The following CRPPA variants were observed in gnomAD, a reference collection of about 807,000 sequenced individuals.
CRPPA encodes D-ribitol-5-phosphate cytidylyltransferase.
Under a neutral mutation model 52.0 loss-of-function variants are expected in CRPPA, and 43 were observed. That is an observed-to-expected ratio of 0.83 (90% confidence interval 0.65 to 1.07). The LOEUF is 1.07. CRPPA is among the 50% of genes least tolerant of loss of function. The pLI is 0.00. For missense variants in CRPPA, 629 were observed against 551.7 expected (o/e 1.14, Z -1.40); for synonymous variants, 250 against 203.5 (o/e 1.23, Z -1.94).
At chr7:16,201,086 A>T (rs554597235) in intron 9 of CRPPA, among the ~76,000 whole-genome samples, 3 of 152,362 alleles carry the variant, frequency 2.0e-5, no homozygotes, top group African/African-American at 7.2e-5. Context: ...CAATAGTCAC[A>T]TATTTCACAA....
chr7:16,125,654 T>A (rs1483475572), intron 9 of CRPPA, among the ~76,000 whole-genome samples: 2 of 152,166 alleles, frequency 1.3e-5, no homozygotes, highest in East Asian at 3.8e-4. Context: ...ATCCTAAGTA[T>A]ATCTTTGAAA....
chr7:16,217,459 G>A (rs1484673590), intron 8 of CRPPA, among the ~76,000 whole-genome samples: 1 of 143,532 alleles, frequency 7.0e-6, no homozygotes, highest in Non-Finnish European at 1.5e-5. Flanking sequence ...TTGACGAGCT[G>A]AGAGAAGAAG....
intron 3 of CRPPA, among the ~76,000 whole-genome samples, chr7:16,310,752 G>C (rs1785017995): frequency 6.6e-6 from 1 of 152,074 alleles, no homozygotes; most frequent in Non-Finnish European, 1.5e-5. Flanking sequence ...AAATTATAGA[G>C]TATGGAAGCT....
At chr7:16,123,395 T>C (rs1782514902) in intron 9 of CRPPA, among the ~76,000 whole-genome samples, 1 of 151,998 alleles carries the variant, frequency 6.6e-6, no homozygotes, top group Non-Finnish European at 1.5e-5. Context: ...TTCAGATAAG[T>C]CCAAAGGCAA....
chr7:16,314,155 T>C (rs1785093550), intron 3 of CRPPA, among the ~76,000 whole-genome samples: 1 of 150,438 alleles, frequency 6.6e-6, no homozygotes, highest in Non-Finnish European at 1.5e-5. Context: ...ATTCTATTAG[T>C]TTTTGCCTCA....
chr7:16,397,491 C>T (rs1030079609), intron 2 of CRPPA, among the ~76,000 whole-genome samples: 1 of 152,098 alleles, frequency 6.6e-6, no homozygotes, highest in Non-Finnish European at 1.5e-5. Context: ...ATAACAGAAA[C>T]ATGACTGACA....
At chr7:16,228,550 A>G (rs935103285) in intron 8 of CRPPA, among the ~76,000 whole-genome samples, 6 of 151,886 alleles carry the variant, frequency 4.0e-5, no homozygotes, top group African/African-American at 1.4e-4. Context: ...TAAATTCTTC[A>G]TTGACCCTCT....
rs1202579530 is a variant in CRPPA at position 16,389,928 on chromosome 7, AATAT to A, written c.535-13691_535-13688del. Among the ~76,000 whole-genome samples, 179 of 29,638 alleles carry A rather than the reference AATAT, an allele frequency of 6.0e-3. 2 individuals carry two copies. The highest frequency in any genetic ancestry group is 0.01 in the South Asian group (6 of 584). 19.4% of individuals were successfully genotyped at this position (29,638 alleles called of 152,430 possible). A position where few individuals can be genotyped will look rare whatever the true frequency, so the allele number is the denominator to read the frequency against. On this transcript the variant is annotated intron_variant, in intron 2 of 9. Transcript: ENST00000407010. ...GCCTAGTATACAAAAAAAAAAAAAAAATATATATATATATATATATATATATATA... is the reference window on the plus strand; with the variant it reads ...GCCTAGTATACAAAAAAAAAAAAAAAATATATATATATATATATATATATA...
At chr7:16,133,698 C>T (rs1370782240) in intron 9 of CRPPA, among the ~76,000 whole-genome samples, 2 of 123,784 alleles carry the variant, frequency 1.6e-5, no homozygotes, top group Admixed American at 1.6e-4. Context: ...TACAAAGTAC[C>T]ACTGATGATG....
intron 8 of CRPPA, among the ~76,000 whole-genome samples, chr7:16,241,688 A>T (rs1783111478): frequency 6.6e-6 from 1 of 152,166 alleles, no homozygotes; most frequent in Admixed American, 6.5e-5. Context: ...ATAGTAGAAA[A>T]GGATATTTTG....
chr7:16,194,250 A>C (rs1170100769), intron 9 of CRPPA, among the ~76,000 whole-genome samples: 1 of 152,062 alleles, frequency 6.6e-6, no homozygotes, highest in Non-Finnish European at 1.5e-5. Flanking sequence ...ACATAACACT[A>C]TTGCCCTAGA....
At chr7:16,359,292 T>A (rs1429419222) in intron 3 of CRPPA, among the ~76,000 whole-genome samples, 1 of 152,168 alleles carries the variant, frequency 6.6e-6, no homozygotes, top group African/African-American at 2.4e-5. Flanking sequence ...ATGGAAGTTT[T>A]TCATTTTAAA....
chr7:16,257,000 C>A (rs1270352385), intron 8 of CRPPA, among the ~76,000 whole-genome samples: 5 of 151,784 alleles, frequency 3.3e-5, no homozygotes, highest in African/African-American at 9.7e-5. Flanking sequence ...CATCCAAAGA[C>A]AAAAAAAGAG....
intron 6 of CRPPA, among the ~76,000 whole-genome samples, chr7:16,266,869 A>T (rs1191448681): frequency 2.0e-5 from 3 of 152,312 alleles, no homozygotes; most frequent in African/African-American, 7.2e-5. Flanking sequence ...TCGAGCTTTC[A>T]TGACAGATTA....
At chr7:16,210,677 G>T (rs1782109439) in intron 9 of CRPPA, 1 of 152,172 alleles carries the variant, frequency 6.6e-6, no homozygotes, top group Admixed American at 6.6e-5. Flanking sequence ...CCCAGAGCTT[G>T]AGGACCCACA....
intron 3 of CRPPA, among the ~76,000 whole-genome samples, chr7:16,367,173 T>TA (rs1371997543): frequency 1.0e-3 from 99 of 95,682 alleles, no homozygotes; most frequent in African/African-American, 4.6e-3. Context: ...TTGTCAAAAT[T>TA]TAAAAAAAAA....
intron 9 of CRPPA, among the ~76,000 whole-genome samples, chr7:16,213,452 A>T (rs1265204814): frequency 4.0e-5 from 6 of 151,706 alleles, no homozygotes. Context: ...ATTTTTTTTT[A>T]AAAAACAAAA....
At chr7:16,257,703 G>A (rs1783681408) in intron 8 of CRPPA, among the ~76,000 whole-genome samples, 1 of 152,026 alleles carries the variant, frequency 6.6e-6, no homozygotes, top group Non-Finnish European at 1.5e-5. Flanking sequence ...AGAATTTATG[G>A]TCTGGAACCC....
At chr7:16,372,295 G>C (rs1208589228) in intron 3 of CRPPA, among the ~76,000 whole-genome samples, 2 of 152,154 alleles carry the variant, frequency 1.3e-5, no homozygotes, top group South Asian at 4.1e-4. Flanking sequence ...AGAGCTATGA[G>C]AGAAAAGCAT....
Sources: gnomAD v4.1 joint callset for allele counts (sites outside exome capture counted in the v4.1 genomes callset) on GRCh38, gnomAD v4.1.1 for gene constraint, MANE v1.5 for transcripts, NCBI Gene and HGNC (gene_info 2026-07-23, HGNC 2026-07-21) for gene names.